Variants in CTNNA3 observed in about 807,000 individuals in gnomAD.
CTNNA3 encodes catenin alpha-3.
In CTNNA3, 76 loss-of-function variants were observed where a neutral mutation model predicts 95.7. The observed-to-expected ratio is 0.79, with a 90% CI of 0.66 to 0.96. CTNNA3 has a LOEUF of 0.96. Among genes scored for constraint, CTNNA3 ranks in the 40% least tolerant of loss-of-function variants. The pLI is 0.00. For missense variants in CTNNA3, 1,191 were observed against 1,089.8 expected (o/e 1.09, Z -1.31); for synonymous variants, 431 against 374.4 (o/e 1.15, Z -1.74).
Position 67,236,923 on chromosome 10 carries a change from T to G in CTNNA3, c.580-17053A>C, listed in dbSNP as rs189828855. ...CAGCCACTATGGAAAACAGGGTGGA[T>G]CTTACTTAAAGAGCTAAAGGTAGAA... is the stretch of plus-strand genomic sequence containing the variant. On this transcript the variant is annotated intron_variant, in intron 5 of 17. Coordinates refer to ENST00000433211, the MANE Select transcript of CTNNA3 (RefSeq NM_013266.4). 8.1e-3 allele frequency among the ~76,000 whole-genome samples: 1,217 copies of G among 150,988 alleles called. 10 individuals carry two copies. The highest frequency in any genetic ancestry group is 0.023 in the African/African-American group (965 of 41,336).
intron 10 of CTNNA3, among the ~76,000 whole-genome samples, chr10:66,587,461 C>A (rs575948255): frequency 6.6e-6 from 1 of 152,178 alleles, no homozygotes; most frequent in East Asian, 1.9e-4. Flanking sequence ...CCAAACATCC[C>A]TGTATATTGC....
chr10:67,706,681 G>T (rs192255424), intron 1 of CTNNA3, among the ~76,000 whole-genome samples: 1 of 152,170 alleles, frequency 6.6e-6, no homozygotes, highest in African/African-American at 2.4e-5. Context: ...ACTAAAAATG[G>T]CAGGCACCCA....
At chr10:66,548,696 GTTTAA>G (rs1324181782) in intron 10 of CTNNA3, among the ~76,000 whole-genome samples, 1 of 151,962 alleles carries the variant, frequency 6.6e-6, no homozygotes, top group African/African-American at 2.4e-5. Flanking sequence ...AAATTCATAT[GTTTAA>G]TTAAATCAAT....
At chr10:66,246,027 AGCCCAGGCCCCAGCTTTCAG>A (rs2090308088) in intron 13 of CTNNA3, among the ~76,000 whole-genome samples, 2 of 152,226 alleles carry the variant, frequency 1.3e-5, no homozygotes, top group Non-Finnish European at 2.9e-5. Flanking sequence ...TGGGACTGGC[AGCCCAGGCCCCAGCTTTCAG>A]GCCCTCTATG....
At chr10:67,466,973 G>A (rs1166622176) in intron 5 of CTNNA3, among the ~76,000 whole-genome samples, 2 of 152,022 alleles carry the variant, frequency 1.3e-5, no homozygotes, top group African/African-American at 4.8e-5. Flanking sequence ...AAGGCACACT[G>A]AACAAAAAGA....
At chr10:66,160,153 A>G (rs926036586) in intron 13 of CTNNA3, among the ~76,000 whole-genome samples, 6 of 150,986 alleles carry the variant, frequency 4.0e-5, no homozygotes, top group Non-Finnish European at 8.9e-5. Flanking sequence ...TATCTCTTGT[A>G]TTTTTTGTTT....
At chr10:67,756,139 G>A (rs1841431867) in intron 1 of CTNNA3, among the ~76,000 whole-genome samples, 1 of 152,112 alleles carries the variant, frequency 6.6e-6, no homozygotes, top group African/African-American at 2.4e-5. Context: ...AGAGTAGACT[G>A]GTGGTTACCA....
At chr10:67,741,805 G>T (rs1841341237) in intron 1 of CTNNA3, among the ~76,000 whole-genome samples, 1 of 151,170 alleles carries the variant, frequency 6.6e-6, no homozygotes, top group Admixed American at 6.6e-5. Context: ...TAAAGGGATA[G>T]AGGAAGATCT....
At chr10:67,353,028 C>A (rs1842688178) in intron 5 of CTNNA3, among the ~76,000 whole-genome samples, 1 of 151,954 alleles carries the variant, frequency 6.6e-6, no homozygotes, top group Non-Finnish European at 1.5e-5. Flanking sequence ...TGAGGGCCAG[C>A]ACTACGTTTC....
At chr10:67,022,064 A>G (rs1280194419) in intron 7 of CTNNA3, among the ~76,000 whole-genome samples, 1 of 152,216 alleles carries the variant, frequency 6.6e-6, no homozygotes. Context: ...CTGAAGAAAT[A>G]TCAGTGCTAA....
intron 7 of CTNNA3, among the ~76,000 whole-genome samples, chr10:66,940,098 C>A (rs1847918562): frequency 6.6e-6 from 1 of 152,048 alleles, no homozygotes; most frequent in South Asian, 2.1e-4. Context: ...GTACTGGAAT[C>A]TGCTTGGTCC....
intron 13 of CTNNA3, among the ~76,000 whole-genome samples, chr10:66,196,356 A>G (rs894898669): frequency 2.0e-5 from 3 of 152,194 alleles, no homozygotes; most frequent in Non-Finnish European, 4.4e-5. Context: ...GCACAGGGAA[A>G]GGAAAGAGAG....
chr10:67,034,058 C>A (rs1300803451), intron 7 of CTNNA3, among the ~76,000 whole-genome samples: 1 of 152,202 alleles, frequency 6.6e-6, no homozygotes, highest in Non-Finnish European at 1.5e-5. Context: ...AGGCGTGAGC[C>A]ACCGCGCCCG....
intron 5 of CTNNA3, among the ~76,000 whole-genome samples, chr10:67,271,437 C>T (rs1838968499): frequency 6.6e-6 from 1 of 152,156 alleles, no homozygotes; most frequent in Admixed American, 6.6e-5. Context: ...CCTTTGTGTT[C>T]TGCCATGATT....
chr10:66,409,559 A>G (rs12572342), intron 11 of CTNNA3, among the ~76,000 whole-genome samples: 20,460 of 152,144 alleles, frequency 0.13, 1,763 homozygotes, highest in African/African-American at 0.25. Flanking sequence ...GACATCTATT[A>G]TCAAGTCTGA....
intron 13 of CTNNA3, among the ~76,000 whole-genome samples, chr10:66,159,194 G>C (rs2084707944): frequency 6.6e-6 from 1 of 152,014 alleles, no homozygotes; most frequent in South Asian, 2.1e-4. Context: ...CCAGTACTAT[G>C]TTGCAGAGTA....
At chr10:67,728,091 T>C (rs1564841945) in intron 1 of CTNNA3, among the ~76,000 whole-genome samples, 1 of 143,444 alleles carries the variant, frequency 7.0e-6, no homozygotes, top group East Asian at 2.0e-4. Context: ...TTATATAATA[T>C]GTAATATACA....
chr10:67,524,306 G>C (rs923259056), intron 4 of CTNNA3, among the ~76,000 whole-genome samples: 1 of 150,378 alleles, frequency 6.6e-6, no homozygotes, highest in African/African-American at 2.5e-5. Context: ...GCTGAGGCAG[G>C]AGAATGGCGT....
chr10:65,975,181 C>T lies in CTNNA3; in HGVS notation c.2266-8435G>A, dbSNP rs149919043. 6.1e-3 allele frequency among the ~76,000 whole-genome samples: 932 copies of T among 152,246 alleles called. 14 individuals are homozygous for T. Among genetic ancestry groups the T allele is most frequent in the African/African-American group, 0.021 (883 of 41,554 alleles). ...AGAATTCAACTCTTCTGCAGAAATA[C>T]TATCAATCTGCAAGATAGGCATGGA... On this transcript the variant is annotated intron_variant, in intron 16 of 17. Coordinates refer to ENST00000433211, the MANE Select transcript of CTNNA3 (RefSeq NM_013266.4).
Sources: allele counts gnomAD v4.1 joint callset (sites outside exome capture counted in the v4.1 genomes callset), GRCh38; gene constraint gnomAD v4.1.1; transcripts MANE v1.5; gene names NCBI Gene and HGNC (gene_info 2026-07-23, HGNC 2026-07-21).